The following SLC2A9 variants were observed in gnomAD, a reference collection of about 807,000 sequenced individuals.
SLC2A9 encodes the protein solute carrier family 2 member 9.
A neutral mutation model predicts 50.6 loss-of-function variants in SLC2A9; 39 were observed. The ratio of observed to expected loss-of-function variants is 0.77; its 90% CI spans 0.60 to 1.01. The LOEUF is 1.01. Among genes scored for constraint, SLC2A9 ranks in the 50% least tolerant of loss-of-function variants. The pLI is 0.00. For synonymous variants in SLC2A9, 324 were observed against 276.9 expected (o/e 1.17, Z -1.69); for missense variants, 686 against 677.6 (o/e 1.01, Z -0.14).
intron 5 of SLC2A9, among the ~76,000 whole-genome samples, chr4:9,962,388 T>C (rs962884878): frequency 2.0e-5 from 3 of 152,096 alleles, no homozygotes. Flanking sequence ...TATGCAGCCA[T>C]AAAAAAGAAC....
intron 3 of SLC2A9, among the ~76,000 whole-genome samples, chr4:9,793,385 C>T (rs1031078897): frequency 2.6e-5 from 4 of 152,148 alleles, no homozygotes; most frequent in African/African-American, 4.8e-5. Flanking sequence ...CACTGTGCAC[C>T]GTCGGTGGGG....
At chr4:9,986,433 C>A (rs1335206651) in intron 3 of SLC2A9, among the ~76,000 whole-genome samples, 2 of 152,290 alleles carry the variant, frequency 1.3e-5, no homozygotes, top group African/African-American at 2.4e-5. Flanking sequence ...AAAAGCTAGT[C>A]TTTTCTCTCT....
rs185677474 is a variant in SLC2A9 at position 9,793,276 on chromosome 4, G to A, written n.386-13211C>T. Among the ~76,000 whole-genome samples the A allele has an allele frequency of 2.4e-3, 370 of 152,282 alleles. 1 individual carries two copies. Among genetic ancestry groups the A allele is most frequent in the Middle Eastern group, 6.8e-3 (2 of 294 alleles). ...ACCACTCCCCATATTGTGCAGATGC[G>A]GAAATTGAGGCCCTGAGGGACTTGC... On this transcript the variant is annotated intron_variant and non_coding_transcript_variant, in intron 3 of 3. Coordinates refer to the SLC2A9 transcript ENST00000503803.
chr4:9,982,692 T>C (rs1383823565), intron 4 of SLC2A9, among the ~76,000 whole-genome samples: 1 of 152,210 alleles, frequency 6.6e-6, no homozygotes. Context: ...TCATCCAGGC[T>C]TTCTCCAAAG....
intron 8 of SLC2A9, among the ~76,000 whole-genome samples, chr4:9,903,910 T>C (rs1186366975): frequency 1.4e-5 from 2 of 147,774 alleles, no homozygotes; most frequent in African/African-American, 2.4e-5. Context: ...TCAATAAATA[T>C]ATAAAATATA....
intron 10 of SLC2A9, among the ~76,000 whole-genome samples, chr4:9,885,146 C>T (rs866539760): frequency 6.6e-6 from 1 of 152,062 alleles, no homozygotes; most frequent in Non-Finnish European, 1.5e-5. Context: ...AACAAACCTG[C>T]GAGTCCTGCA....
chr4:9,954,328 C>T (rs1438671352), intron 5 of SLC2A9, among the ~76,000 whole-genome samples: 1 of 152,262 alleles, frequency 6.6e-6, no homozygotes, highest in Non-Finnish European at 1.5e-5. Flanking sequence ...ATGGGGCTCC[C>T]CACTGGAAGA....
chr4:9,898,430 A>G (rs746091646), intron 8 of SLC2A9, among the ~76,000 whole-genome samples: 8 of 152,234 alleles, frequency 5.3e-5, no homozygotes, highest in Admixed American at 3.9e-4. Context: ...ATTATTTCAC[A>G]TACATTACTT....
intron 10 of SLC2A9, among the ~76,000 whole-genome samples, chr4:9,867,019 G>A (rs1006536578): frequency 5.9e-5 from 9 of 152,192 alleles, no homozygotes; most frequent in African/African-American, 1.4e-4. Flanking sequence ...ATGGGGAGAC[G>A]AACAGTAGTC....
rs1052321720 is a variant in SLC2A9, at chr4:10,016,817, C to T, written c.249+2158G>A. Among the ~76,000 whole-genome samples the T allele has an allele frequency of 6.6e-5, 10 of 151,452 alleles. No individual in the cohort carries two copies. The East Asian group carries it at 1.9e-3, about 29-fold the overall frequency. ...AATTAAAAAAATGTGAGTTGCAAAC[C>T]CCCACCCCCATGAATCTGCCATGGC... On this transcript the variant is annotated intron_variant, in intron 2 of 11. Coordinates refer to ENST00000264784, the MANE Select transcript of SLC2A9 (RefSeq NM_020041.3).
intron 8 of SLC2A9, among the ~76,000 whole-genome samples, chr4:9,895,884 G>A (rs1004876327): frequency 6.6e-6 from 1 of 152,132 alleles, no homozygotes; most frequent in Non-Finnish European, 1.5e-5. Flanking sequence ...ACAAGGATTC[G>A]ATTTATCATT....
intron 10 of SLC2A9, among the ~76,000 whole-genome samples, chr4:9,885,752 G>A (rs1170163521): frequency 6.6e-6 from 1 of 152,168 alleles, no homozygotes; most frequent in Non-Finnish European, 1.5e-5. Flanking sequence ...ACAGACTGCA[G>A]CACACAGGCC....
At chr4:9,976,902 T>C (rs1395113001) in intron 5 of SLC2A9, among the ~76,000 whole-genome samples, 1 of 152,216 alleles carries the variant, frequency 6.6e-6, no homozygotes, top group Non-Finnish European at 1.5e-5. Context: ...TTCTCTTTCA[T>C]AGCTCCCTGT....
At chr4:9,954,262 A>T (rs1750812967) in intron 5 of SLC2A9, among the ~76,000 whole-genome samples, 2 of 152,190 alleles carry the variant, frequency 1.3e-5, no homozygotes, top group Admixed American at 1.3e-4. Context: ...AGTAACACTC[A>T]CTCAACAGCT....
chr4:10,007,914 G>A (rs575063014), intron 2 of SLC2A9, among the ~76,000 whole-genome samples: 2 of 152,320 alleles, frequency 1.3e-5, no homozygotes, highest in African/African-American at 4.8e-5. Flanking sequence ...GAAATGAGGT[G>A]TGTGAAGTCC....
intron 6 of SLC2A9, among the ~76,000 whole-genome samples, chr4:9,922,419 C>T (rs1446692093): frequency 6.6e-6 from 1 of 152,016 alleles, no homozygotes; most frequent in African/African-American, 2.4e-5. Context: ...ACCACTATGG[C>T]GCATGTTGAC....
At chr4:9,929,724 G>A (rs1745553523) in intron 6 of SLC2A9, among the ~76,000 whole-genome samples, 2 of 148,948 alleles carry the variant, frequency 1.3e-5, no homozygotes, top group Admixed American at 6.6e-5. Flanking sequence ...CCCACACCGG[G>A]GCTCCAGAAG....
At chr4:9,836,831 C>T (rs1402676797) in intron 10 of SLC2A9, among the ~76,000 whole-genome samples, 1 of 152,094 alleles carries the variant, frequency 6.6e-6, no homozygotes, top group African/African-American at 2.4e-5. Context: ...TAGGGGGGCT[C>T]AGATCACGGC....
downstream of SLC2A9, among the ~76,000 whole-genome samples, chr4:9,796,667 A>C (rs1178398092): frequency 1.3e-5 from 2 of 152,178 alleles, no homozygotes; most frequent in African/African-American, 4.8e-5. Flanking sequence ...TCATTTCCAT[A>C]GGTCAGCTGT....
Sources: gnomAD v4.1 joint callset for allele counts (sites outside exome capture counted in the v4.1 genomes callset) on GRCh38, gnomAD v4.1.1 for gene constraint, MANE v1.5 for transcripts, NCBI Gene and HGNC (gene_info 2026-07-23, HGNC 2026-07-21) for gene names.